Variants in TSHZ2 observed in about 807,000 individuals in gnomAD.
TSHZ2 encodes the protein teashirt zinc finger homeobox 2.
TSHZ2 carries 21 observed loss-of-function variants against 74.4 expected under a neutral mutation model. The observed-to-expected ratio is 0.28, with a 90% CI of 0.20 to 0.41. The LOEUF (loss-of-function observed/expected upper bound fraction) is 0.41. Among genes scored for constraint, TSHZ2 ranks in the 10% least tolerant of loss-of-function variants. The pLI, the probability that TSHZ2 is intolerant of heterozygous loss-of-function variation, is 1.00. For synonymous variants in TSHZ2, 540 were observed against 515.3 expected (o/e 1.05, Z -0.65); for missense variants, 1,244 against 1,293.5 (o/e 0.96, Z 0.59).
At chr20:53,126,518 G>A (rs1986950764) in intron 1 of TSHZ2, among the ~76,000 whole-genome samples, 1 of 152,144 alleles carries the variant, frequency 6.6e-6, no homozygotes, top group Non-Finnish European at 1.5e-5. Flanking sequence ...AGTGAGTAAA[G>A]GTGAATTATT....
At chr20:53,468,195 T>A (rs1985618449) in intron 2 of TSHZ2, among the ~76,000 whole-genome samples, 1 of 152,170 alleles carries the variant, frequency 6.6e-6, no homozygotes, top group African/African-American at 2.4e-5. Context: ...TTATCATTTT[T>A]ATTTAGATTG....
At chr20:53,311,096 A>G (rs985088110) in intron 2 of TSHZ2, among the ~76,000 whole-genome samples, 3 of 152,230 alleles carry the variant, frequency 2.0e-5, no homozygotes, top group African/African-American at 7.2e-5. Context: ...CAATAAGCTA[A>G]AAGTAAGAAT....
At chr20:53,235,390 A>T (rs1989920187) in intron 1 of TSHZ2, among the ~76,000 whole-genome samples, 1 of 151,628 alleles carries the variant, frequency 6.6e-6, no homozygotes, top group Non-Finnish European at 1.5e-5. Flanking sequence ...TGCTGGTCTC[A>T]AACTCCTGAC....
At chr20:53,357,687 G>T (rs1980896702) in intron 2 of TSHZ2, among the ~76,000 whole-genome samples, 1 of 152,030 alleles carries the variant, frequency 6.6e-6, no homozygotes, top group African/African-American at 2.4e-5. Context: ...ATTAAAATAG[G>T]CCTCTGAATT....
intron 2 of TSHZ2, among the ~76,000 whole-genome samples, chr20:53,317,956 A>G (rs768320917): frequency 6.6e-6 from 1 of 152,220 alleles, no homozygotes; most frequent in Non-Finnish European, 1.5e-5. Flanking sequence ...AAAGATGGAC[A>G]TCAATTTGAA....
intron 1 of TSHZ2, among the ~76,000 whole-genome samples, chr20:52,977,405 C>A (rs1981382831): frequency 7.0e-6 from 1 of 143,070 alleles, no homozygotes; most frequent in Non-Finnish European, 1.5e-5. Context: ...ATGTTTTTAA[C>A]AAATGAATGG....
At chr20:53,000,220 T>C (rs1982361057) in intron 1 of TSHZ2, among the ~76,000 whole-genome samples, 1 of 152,214 alleles carries the variant, frequency 6.6e-6, no homozygotes, top group Non-Finnish European at 1.5e-5. Context: ...TTTTACATTT[T>C]TTAATGATTG....
intron 1 of TSHZ2, among the ~76,000 whole-genome samples, chr20:53,213,473 C>A (rs1281464130): frequency 1.3e-5 from 2 of 151,980 alleles, no homozygotes; most frequent in Admixed American, 1.3e-4. Context: ...GCTGATTAAA[C>A]CCACAGCAAA....
At chr20:53,364,288 T>C (rs941135734) in intron 2 of TSHZ2, among the ~76,000 whole-genome samples, 5 of 152,198 alleles carry the variant, frequency 3.3e-5, no homozygotes, top group African/African-American at 7.2e-5. Context: ...AGGAAACTTA[T>C]AGACATACCA....
chr20:52,991,501 T>C (rs190400337), intron 1 of TSHZ2, among the ~76,000 whole-genome samples: 23 of 145,968 alleles, frequency 1.6e-4, no homozygotes, highest in African/African-American at 5.9e-4. Flanking sequence ...GAAGAGAGTG[T>C]GAAAGCTTTT....
At chr20:53,020,520 A>C (rs2741367) in intron 1 of TSHZ2, among the ~76,000 whole-genome samples, 8,659 of 152,310 alleles carry the variant, frequency 0.057, 334 homozygotes, top group Middle Eastern at 0.092. Context: ...GTCCGAAACC[A>C]CTAGCTTCTT....
At chr20:53,186,168 G>A (rs570160110) in intron 1 of TSHZ2, among the ~76,000 whole-genome samples, 1 of 152,332 alleles carries the variant, frequency 6.6e-6, no homozygotes, top group South Asian at 2.1e-4. Context: ...TTGTCCAGCT[G>A]TTGCTATTTG....
chr20:53,071,249 T>C (rs999942613), intron 1 of TSHZ2, among the ~76,000 whole-genome samples: 6 of 152,242 alleles, frequency 3.9e-5, no homozygotes, highest in Non-Finnish European at 8.8e-5. Context: ...GATCAGTCCC[T>C]GAAGTATACA....
intron 2 of TSHZ2, among the ~76,000 whole-genome samples, chr20:53,273,537 C>T (rs1990881128): frequency 6.6e-6 from 1 of 152,212 alleles, no homozygotes; most frequent in African/African-American, 2.4e-5. Flanking sequence ...GATCCACCTG[C>T]CTCGACTTTC....
intron 1 of TSHZ2, among the ~76,000 whole-genome samples, chr20:53,022,043 G>T (rs1319932643): frequency 6.6e-6 from 1 of 152,122 alleles, no homozygotes; most frequent in Non-Finnish European, 1.5e-5. Context: ...GGCTCATAAT[G>T]AAGGAGCAGA....
chr20:53,248,594 C>T (rs1050204085), intron 1 of TSHZ2, among the ~76,000 whole-genome samples: 2 of 152,178 alleles, frequency 1.3e-5, no homozygotes, highest in Non-Finnish European at 2.9e-5. Flanking sequence ...AGTAGACCAG[C>T]TAATGGACTT....
intron 1 of TSHZ2, among the ~76,000 whole-genome samples, chr20:53,063,542 G>A (rs1319024156): frequency 6.6e-6 from 1 of 152,200 alleles, no homozygotes; most frequent in South Asian, 2.1e-4. Flanking sequence ...TGCAGAAGAT[G>A]AGAACTGGCA....
chr20:53,434,727 G>A (rs1302936172), intron 2 of TSHZ2, among the ~76,000 whole-genome samples: 1 of 152,238 alleles, frequency 6.6e-6, no homozygotes, highest in Non-Finnish European at 1.5e-5. Flanking sequence ...ACTCTGCGTA[G>A]ATTTGTTTAG....
chr20:53,043,810 C>A (rs1984130355), intron 1 of TSHZ2, among the ~76,000 whole-genome samples: 1 of 151,996 alleles, frequency 6.6e-6, no homozygotes, highest in South Asian at 2.1e-4. Context: ...CCTGGGGAAG[C>A]TCATTGTTTT....
Sources: allele counts gnomAD v4.1 joint callset (sites outside exome capture counted in the v4.1 genomes callset), GRCh38; gene constraint gnomAD v4.1.1; transcripts MANE v1.5; gene names NCBI Gene and HGNC (gene_info 2026-07-23, HGNC 2026-07-21).